The following HEMK2 variants were observed in gnomAD, a reference collection of about 807,000 sequenced individuals.
HEMK2 encodes the protein methyltransferase HEMK2.
the HEMK2 span, among the ~76,000 whole-genome samples, chr21:28,692,646 TTTTCA>T: frequency 6.6e-6 from 1 of 152,150 alleles, no homozygotes; most frequent in African/African-American, 2.4e-5. Context: ...AATATTAGTA[TTTTCA>T]TTTCAATAAA....
the HEMK2 span, among the ~76,000 whole-genome samples, chr21:28,849,915 A>G: frequency 6.6e-6 from 1 of 152,236 alleles, no homozygotes; most frequent in African/African-American, 2.4e-5. Context: ...AGAAAGAGAG[A>G]AAGCAAGCAA....
chr21:28,838,582 C>G, the HEMK2 span, among the ~76,000 whole-genome samples: 1 of 149,706 alleles, frequency 6.7e-6, no homozygotes, highest in Admixed American at 6.7e-5. Context: ...GACCAACATC[C>G]TTGATGAACA....
At chr21:28,775,103 T>A in the HEMK2 span, among the ~76,000 whole-genome samples, 1 of 152,250 alleles carries the variant, frequency 6.6e-6, no homozygotes, top group Non-Finnish European at 1.5e-5. Context: ...ATATTTTGCA[T>A]ACTTGAAGAA....
chr21:28,781,250 A>C, the HEMK2 span, among the ~76,000 whole-genome samples: 1 of 152,198 alleles, frequency 6.6e-6, no homozygotes, highest in Non-Finnish European at 1.5e-5. Context: ...ATCAACTCAA[A>C]GTACTCCCTG....
the HEMK2 span, among the ~76,000 whole-genome samples, chr21:28,736,627 T>C: frequency 6.6e-6 from 1 of 151,996 alleles, no homozygotes; most frequent in East Asian, 1.9e-4. Context: ...TAGCTGGGCA[T>C]GGTGGCGCAT....
the HEMK2 span, among the ~76,000 whole-genome samples, chr21:28,822,220 T>A: frequency 6.6e-6 from 1 of 152,210 alleles, no homozygotes; most frequent in Non-Finnish European, 1.5e-5. Flanking sequence ...AGGTATCTTA[T>A]ATACCATCTG....
At chr21:28,773,068 G>T in the HEMK2 span, among the ~76,000 whole-genome samples, 1 of 152,134 alleles carries the variant, frequency 6.6e-6, no homozygotes, top group Non-Finnish European at 1.5e-5. Context: ...AATTACATGA[G>T]ACCCAAGCCT....
At chr21:28,844,065 A>G in the HEMK2 span, among the ~76,000 whole-genome samples, 1 of 152,178 alleles carries the variant, frequency 6.6e-6, no homozygotes, top group Non-Finnish European at 1.5e-5. Flanking sequence ...TATGTGAAGC[A>G]ATAAGAGAAA....
chr21:28,665,046 G>A, the HEMK2 span, among the ~76,000 whole-genome samples: 1 of 152,006 alleles, frequency 6.6e-6, no homozygotes, highest in Admixed American at 6.5e-5. Flanking sequence ...GGGAGGCCAA[G>A]GCAGGTAGAT....
the HEMK2 span, among the ~76,000 whole-genome samples, chr21:28,807,303 C>T: frequency 7.9e-5 from 12 of 152,132 alleles, no homozygotes; most frequent in East Asian, 5.8e-4. Context: ...AAGAAAAACC[C>T]GGGAGTCATC....
the HEMK2 span, among the ~76,000 whole-genome samples, chr21:28,662,579 G>A: frequency 4.6e-5 from 7 of 152,224 alleles, no homozygotes; most frequent in South Asian, 4.1e-4. Flanking sequence ...CTCGTGTGTC[G>A]TGGGAGGGAC....
chr21:28,650,777 G>C, the HEMK2 span, among the ~76,000 whole-genome samples: 1 of 152,162 alleles, frequency 6.6e-6, no homozygotes, highest in African/African-American at 2.4e-5. Context: ...GGCATATAAA[G>C]GGGAGTTGAA....
chr21:28,880,931 A>G, the HEMK2 span, among the ~76,000 whole-genome samples: 5 of 146,896 alleles, frequency 3.4e-5, no homozygotes, highest in South Asian at 1.1e-3. Context: ...ATTTATTTAA[A>G]AAAAAAAAAA....
the HEMK2 span, chr21:28,876,320 T>C: frequency 2.0e-5 from 23 of 1,122,238 alleles, no homozygotes; most frequent in Non-Finnish European, 2.9e-5. Flanking sequence ...ACCTAATGAA[T>C]GACTTCAGTT....
the HEMK2 span, among the ~76,000 whole-genome samples, chr21:28,685,438 C>T: frequency 6.6e-6 from 1 of 152,030 alleles, no homozygotes; most frequent in African/African-American, 2.4e-5. Flanking sequence ...GTGATGACTC[C>T]CTCTTTTTTA....
At chr21:28,676,826 T>C in the HEMK2 span, among the ~76,000 whole-genome samples, 2 of 152,208 alleles carry the variant, frequency 1.3e-5, no homozygotes, top group Non-Finnish European at 2.9e-5. Flanking sequence ...TTTATGGCCA[T>C]GTGGCAAGGA....
At chr21:28,592,161 C>T in the HEMK2 span, among the ~76,000 whole-genome samples, 1 of 152,166 alleles carries the variant, frequency 6.6e-6, no homozygotes, top group African/African-American at 2.4e-5. Context: ...ATTTACACTC[C>T]CACCAACAGT....
the HEMK2 span, among the ~76,000 whole-genome samples, chr21:28,719,559 T>C: frequency 6.6e-6 from 1 of 152,168 alleles, no homozygotes; most frequent in Non-Finnish European, 1.5e-5. Flanking sequence ...TGAACCTCTT[T>C]CCTTTACAAA....
chr21:28,836,844 C>A, the HEMK2 span, among the ~76,000 whole-genome samples: 1 of 150,292 alleles, frequency 6.7e-6, no homozygotes, highest in African/African-American at 2.4e-5. Context: ...AAATGGAAAC[C>A]AAAAGTAAGC....
Sources: allele counts gnomAD v4.1 joint callset (sites outside exome capture counted in the v4.1 genomes callset), GRCh38; gene constraint gnomAD v4.1.1; transcripts MANE v1.5; gene names NCBI Gene and HGNC (gene_info 2026-07-23, HGNC 2026-07-21).